TULP4: variants seen among roughly 807,000 people sequenced by gnomAD.
TULP4 encodes TUB like protein 4.
Under a neutral mutation model 129.0 loss-of-function variants are expected in TULP4, and 16 were observed. The observed-to-expected ratio is 0.12, with a 90% CI of 0.08 to 0.19. TULP4 has a LOEUF of 0.19. Ranked by LOEUF, TULP4 falls within the 10% of genes least tolerant of loss-of-function variation. The pLI is 1.00. For synonymous variants in TULP4, 998 were observed against 854.0 expected (o/e 1.17, Z -2.94); for missense variants, 1,842 against 2,059.1 (o/e 0.89, Z 2.04).
chr6:158,307,491 G>C (rs982060757), upstream of TULP4, among the ~76,000 whole-genome samples: 2 of 151,976 alleles, frequency 1.3e-5, no homozygotes, highest in Non-Finnish European at 2.9e-5. Flanking sequence ...TTTTTGTTTT[G>C]TTTTGTTTTT....
chr6:158,234,330 C>T (rs1404196373), intron 1 of TULP4, among the ~76,000 whole-genome samples: 2 of 131,208 alleles, frequency 1.5e-5, no homozygotes, highest in African/African-American at 5.2e-5. Flanking sequence ...GCTGAGATGG[C>T]GAGTAATGGA....
chr6:158,378,108 C>T (rs827987), intron 1 of TULP4, among the ~76,000 whole-genome samples: 69,800 of 151,930 alleles, frequency 0.46, 16,616 homozygotes, highest in African/African-American at 0.58. Flanking sequence ...TGGGAAAACA[C>T]GGTTCTGAGA....
chr6:158,393,446 A>G (rs1777634337), intron 1 of TULP4, among the ~76,000 whole-genome samples: 2 of 152,182 alleles, frequency 1.3e-5, no homozygotes, highest in East Asian at 1.9e-4. Flanking sequence ...TTCCCCTCAC[A>G]TTGCCTTAGT....
At chr6:158,434,006 C>T (rs1311894939) in intron 3 of TULP4, among the ~76,000 whole-genome samples, 1 of 152,168 alleles carries the variant, frequency 6.6e-6, no homozygotes, top group African/African-American at 2.4e-5. Context: ...CTCCTGAGGC[C>T]TGTCTCCTTG....
At chr6:158,381,891 G>T (rs1395032829) in intron 1 of TULP4, among the ~76,000 whole-genome samples, 1 of 152,130 alleles carries the variant, frequency 6.6e-6, no homozygotes, top group Non-Finnish European at 1.5e-5. Flanking sequence ...ACATTTAATT[G>T]TGTGCAATGC....
chr6:158,313,755 T>C lies in TULP4; in HGVS notation c.-262T>C, dbSNP rs535614251. On this transcript the variant is annotated 5_prime_UTR_variant, in exon 1 of 14. Transcript: ENST00000367097. ...CGTTCTTCCTCTGAGAACTTGAAAA[T>C]ACAAATGGACCCCATGTTTTTTTAA... 110 of 511,774 alleles carry C rather than the reference T, an allele frequency of 2.1e-4. 1 individual carries two copies. In the South Asian group the frequency reaches 2.2e-3, roughly 10 times the overall value. 31.7% of individuals were successfully genotyped at this position (511,774 alleles called of 1,614,324 possible).
At chr6:158,494,630 T>C in intron 10 of TULP4, 123 bp from the exon 11 acceptor site, 2 of 831,582 alleles carry the variant, frequency 2.4e-6, no homozygotes, top group South Asian at 1.9e-5. Context: ...AGGTAGGGAA[T>C]GGGTGTTTCT....
chr6:158,233,350 A>G (rs572571342), intron 1 of TULP4, among the ~76,000 whole-genome samples: 1 of 152,316 alleles, frequency 6.6e-6, no homozygotes, highest in Admixed American at 6.5e-5. Flanking sequence ...CCTTTAAGTC[A>G]TTGCAATAGG....
intron 1 of TULP4, among the ~76,000 whole-genome samples, chr6:158,341,866 T>C (rs1444978130): frequency 6.6e-6 from 1 of 152,210 alleles, no homozygotes; most frequent in Non-Finnish European, 1.5e-5. Context: ...GTGAGTTGTC[T>C]TTTCCCTTTG....
chr6:158,433,316 GC>G (rs1268436775), intron 3 of TULP4, among the ~76,000 whole-genome samples: 1 of 152,104 alleles, frequency 6.6e-6, no homozygotes, highest in Non-Finnish European at 1.5e-5. Context: ...AACAATTTTG[GC>G]AAGAATACTT....
rs1780294663 is a variant in TULP4 at position 158,494,825 on chromosome 6, C to T, written c.1849C>T (p.Leu617=). 6.2e-7 allele frequency: 1 copy of T among 1,613,968 alleles called. No homozygotes were observed. Among genetic ancestry groups the T allele is most frequent in the Non-Finnish European group, 8.5e-7 (1 of 1,180,012 alleles). ...KFKIVGLAAF[L]PTNLGAVIYK... is the part of the protein sequence containing the mutation. ...TAAGATTGTGGGCTTGGCTGCTTTC[C>T]TGCCAACCAACCTCGGTGCAGGTAA... is the stretch of plus-strand genomic sequence containing the variant. The change falls in exon 11 of 14, where the codon CTG becomes TTG. Residue 617 remains leucine, a synonymous_variant. Transcript: ENST00000367097.
intron 1 of TULP4, chr6:158,242,520 T>C: frequency 1.3e-6 from 1 of 760,442 alleles, no homozygotes; most frequent in East Asian, 2.4e-5. Context: ...GTTGGTACTT[T>C]CTACTGTCTT....
chr6:158,385,047 C>A (rs1456376402), intron 1 of TULP4, among the ~76,000 whole-genome samples: 1 of 152,124 alleles, frequency 6.6e-6, no homozygotes, highest in East Asian at 1.9e-4. Context: ...TGACCTGATG[C>A]TTTTATCTGG....
chr6:158,496,259 C>T (rs764579953), intron 11 of TULP4, among the ~76,000 whole-genome samples: 1 of 152,212 alleles, frequency 6.6e-6, no homozygotes, highest in African/African-American at 2.4e-5. Context: ...GCGTGCTGTG[C>T]GTAACCTACT....
intron 1 of TULP4, among the ~76,000 whole-genome samples, chr6:158,321,463 T>C (rs1583744935): frequency 6.6e-6 from 1 of 152,208 alleles, no homozygotes; most frequent in East Asian, 1.9e-4. Flanking sequence ...TCCAACTTGA[T>C]ATATGAGATA....
chr6:158,305,653 T>C (rs1779206237), intron 1 of TULP4, among the ~76,000 whole-genome samples: 1 of 151,310 alleles, frequency 6.6e-6, no homozygotes, highest in Non-Finnish European at 1.5e-5. Flanking sequence ...TGCAGTGAGT[T>C]GTGATCACGT....
At chr6:158,368,684 A>G (rs1777000099) in intron 1 of TULP4, among the ~76,000 whole-genome samples, 1 of 152,226 alleles carries the variant, frequency 6.6e-6, no homozygotes, top group African/African-American at 2.4e-5. Flanking sequence ...GGATCCTCAC[A>G]GATCCATCCC....
intron 6 of TULP4, among the ~76,000 whole-genome samples, chr6:158,472,256 A>T (rs1667888044): frequency 2.0e-5 from 3 of 152,194 alleles, no homozygotes; most frequent in Non-Finnish European, 4.4e-5. Context: ...TAAAGGTTTT[A>T]TGGCCTTAAC....
chr6:158,435,804 G>A (rs1025562241), intron 3 of TULP4, among the ~76,000 whole-genome samples: 1 of 151,926 alleles, frequency 6.6e-6, no homozygotes, highest in African/African-American at 2.4e-5. Context: ...TCTCCCCCCT[G>A]CCTCTCCTCC....
Sources: allele counts gnomAD v4.1 joint callset (sites outside exome capture counted in the v4.1 genomes callset), GRCh38; gene constraint gnomAD v4.1.1; transcripts MANE v1.5; gene names NCBI Gene and HGNC (gene_info 2026-07-23, HGNC 2026-07-21).